The following NF1 variants were observed in gnomAD, a reference collection of about 807,000 sequenced individuals.
NF1 encodes neurofibromin 1.
A neutral mutation model predicts 325.7 loss-of-function variants in NF1; 122 were observed. That is an observed-to-expected ratio of 0.37 (90% CI 0.32 to 0.44). The LOEUF (loss-of-function observed/expected upper bound fraction) is 0.44, where lower values mean the gene tolerates loss of function less well. NF1 is among the 20% of genes least tolerant of loss of function. NF1 has a pLI of 1.00. For missense variants in NF1, 2,140 were observed against 3,415.4 expected (o/e 0.63, Z 9.31); for synonymous variants, 1,091 against 1,186.0 (o/e 0.92, Z 1.65).
intron 1 of NF1, among the ~76,000 whole-genome samples, chr17:31,118,587 A>G (rs1914157461): frequency 6.6e-6 from 1 of 152,146 alleles, no homozygotes; most frequent in African/African-American, 2.4e-5. Flanking sequence ...GATGGTTTCC[A>G]GCTTCATCCA....
intron 5 of NF1, among the ~76,000 whole-genome samples, chr17:31,177,087 G>A (rs536798383): frequency 1.3e-5 from 2 of 152,238 alleles, no homozygotes; most frequent in South Asian, 4.2e-4. Context: ...TCTATAAATT[G>A]CTTTGGGCAG....
intron 36 of NF1, among the ~76,000 whole-genome samples, chr17:31,301,932 A>C (rs1424448496): frequency 6.6e-6 from 1 of 152,004 alleles, no homozygotes; most frequent in Non-Finnish European, 1.5e-5. Context: ...TCTCTTCTGG[A>C]TCTTAGTTCT....
At chr17:31,214,337 TA>T in intron 12 of NF1, 113 bp from the exon 13 acceptor site, 1 of 722,266 alleles carries the variant, frequency 1.4e-6, no homozygotes, top group South Asian at 1.8e-5. Flanking sequence ...ACACATTTGG[TA>T]GTATAAAAAA....
intron 8 of NF1, among the ~76,000 whole-genome samples, chr17:31,197,051 CTT>C (rs111486276): frequency 4.2e-5 from 6 of 144,138 alleles, no homozygotes; most frequent in Non-Finnish European, 1.5e-5. Context: ...TGGGTTTTTC[CTT>C]TTTTTTTTTG....
chr17:31,243,375 G>C (rs2151445559), intron 29 of NF1, among the ~76,000 whole-genome samples: 1 of 152,028 alleles, frequency 6.6e-6, no homozygotes, highest in Non-Finnish European at 1.5e-5. Flanking sequence ...AGCAAACCCA[G>C]CCAGGCTTGC....
intron 36 of NF1, among the ~76,000 whole-genome samples, chr17:31,310,059 C>G (rs1021139635): frequency 6.6e-6 from 1 of 152,036 alleles, no homozygotes; most frequent in Non-Finnish European, 1.5e-5. Context: ...AAAAAACTGA[C>G]TTTTTTCCCA....
chr17:31,155,158 G>GT (rs979730126), intron 1 of NF1, among the ~76,000 whole-genome samples: 2 of 152,056 alleles, frequency 1.3e-5, no homozygotes, highest in Non-Finnish European at 2.9e-5. Context: ...ATTCAGGTTT[G>GT]TTTTTTTCAC....
intron 4 of NF1, among the ~76,000 whole-genome samples, chr17:31,166,581 C>G (rs143158891): frequency 5.3e-5 from 8 of 152,178 alleles, no homozygotes; most frequent in African/African-American, 1.9e-4. Flanking sequence ...AAATTTGAAC[C>G]CTAAACTCTT....
intron 1 of NF1, among the ~76,000 whole-genome samples, chr17:31,114,107 C>T (rs111619839): frequency 1.2e-4 from 19 of 152,306 alleles, no homozygotes; most frequent in African/African-American, 4.3e-4. Flanking sequence ...GATTTATAAA[C>T]TTGCCCGTTT....
chr17:31,334,571 C>A (rs1229799336), intron 39 of NF1: 1 of 417,168 alleles, frequency 2.4e-6, no homozygotes, highest in East Asian at 4.5e-5. Context: ...GAGAATAAAA[C>A]AACTTTTTAA....
chr17:31,163,266 C>T lies in NF1; in HGVS notation c.369C>T (p.Thr123=), dbSNP rs146691765. ...CAGAAATCTGCCATTTTCTTCACAC[C>T]TGTCGTGAAGGAAACCAGCATGCAG... is the stretch of plus-strand genomic sequence containing the variant. The part of the protein sequence containing the change: ...LLPEICHFLH[T]CREGNQHAAE... Residue 123 remains threonine (T), a synonymous_variant, in exon 4 of 58, where the codon ACC becomes ACT. Transcript: ENST00000358273. The T allele has an allele frequency of 1.2e-6, 2 of 1,614,134 alleles. No homozygotes were observed. The highest frequency in any genetic ancestry group is 1.7e-6 in the Non-Finnish European group (2 of 1,180,016).
intron 11 of NF1, among the ~76,000 whole-genome samples, chr17:31,204,219 T>G (rs1442575730): frequency 1.3e-5 from 2 of 152,132 alleles, no homozygotes; most frequent in Non-Finnish European, 2.9e-5. Context: ...ATTACTTATT[T>G]CTGTTTTTTC....
At chr17:31,308,065 T>A in intron 36 of NF1, 1 of 390,702 alleles carries the variant, frequency 2.6e-6, no homozygotes, top group Non-Finnish European at 4.7e-6. Flanking sequence ...ACTGCTGAAT[T>A]AATCTTAAAA....
intron 30 of NF1, chr17:31,251,798 A>G (rs562211347): frequency 2.4e-5 from 5 of 206,194 alleles, no homozygotes; most frequent in South Asian, 1.9e-4. Flanking sequence ...CTATTTCCCA[A>G]TGCCTAGAAT....
intron 1 of NF1, among the ~76,000 whole-genome samples, chr17:31,113,996 A>G (rs1913668783): frequency 2.0e-5 from 3 of 152,196 alleles, no homozygotes; most frequent in Admixed American, 1.3e-4. Context: ...TTATGCCTCA[A>G]ATTCATAGTT....
At chr17:31,201,270 T>C (rs113514420) in intron 10 of NF1, 111 bp downstream of exon 10, 1 of 1,503,382 alleles carries the variant, frequency 6.7e-7, no homozygotes, top group Non-Finnish European at 9.2e-7. Flanking sequence ...CTCACTATTA[T>C]GTATTGATGT....
intron 34 of NF1, 103 bp downstream of exon 34, chr17:31,260,618 A>C: frequency 7.6e-7 from 1 of 1,319,368 alleles, no homozygotes; most frequent in Middle Eastern, 1.8e-4. Context: ...ATCTTCTTGG[A>C]CTAAGAATTA....
rs1426703535 is a variant in NF1 at position 31,243,982 on chromosome 17, G to T, written c.3975-5002G>T. Among the ~76,000 whole-genome samples, 3 of 152,226 alleles carry T rather than the reference G, an allele frequency of 2.0e-5. No individual in the cohort carries two copies. The East Asian group carries it at 5.8e-4, about 30-fold the overall frequency. ...CAAGGCCCACAGCAAGTACTGCCTG[G>T]CTATCCCTCCTGGTTGTTCAGGGGC... On this transcript the variant is annotated intron_variant, in intron 29 of 57. Coordinates refer to ENST00000358273, the MANE Select transcript of NF1 (RefSeq NM_001042492.3).
At chr17:31,134,880 C>T (rs541903389) in intron 1 of NF1, among the ~76,000 whole-genome samples, 3 of 152,088 alleles carry the variant, frequency 2.0e-5, no homozygotes, top group African/African-American at 4.8e-5. Flanking sequence ...TCCTGCTTGC[C>T]GTATAATATT....
Sources: gnomAD v4.1 joint callset for allele counts (sites outside exome capture counted in the v4.1 genomes callset) on GRCh38, gnomAD v4.1.1 for gene constraint, MANE v1.5 for transcripts, NCBI Gene and HGNC (gene_info 2026-07-23, HGNC 2026-07-21) for gene names.